ZBED6: variants seen among roughly 807,000 people sequenced by gnomAD.
ZBED6 encodes the protein zinc finger BED domain-containing protein 6.
ZBED6 carries 40 observed loss-of-function variants against 58.4 expected under a neutral mutation model. The observed-to-expected ratio is 0.68, with a 90% CI of 0.53 to 0.89. The LOEUF (loss-of-function observed/expected upper bound fraction) is 0.89. Among genes scored for constraint, ZBED6 ranks in the 40% least tolerant of loss-of-function variants. The pLI, the probability that ZBED6 is intolerant of heterozygous loss-of-function variation, is 0.00. For synonymous variants in ZBED6, 439 were observed against 350.6 expected (o/e 1.25, Z -2.82); for missense variants, 1,057 against 1,003.9 (o/e 1.05, Z -0.71).
intron 9 of ZBED6, 26 bp from the exon 10 acceptor site, chr1:203,837,940 T>C (rs1225921878): frequency 6.3e-7 from 1 of 1,596,898 alleles, no homozygotes; most frequent in Admixed American, 1.8e-5. Context: ...ACTTGAAATC[T>C]TAAACTAAGT....
At chr1:203,851,394 A>G (rs1254328402) in intron 16 of ZBED6, among the ~76,000 whole-genome samples, 1 of 152,146 alleles carries the variant, frequency 6.6e-6, no homozygotes, top group Non-Finnish European at 1.5e-5. Context: ...CAGTGGCACA[A>G]TCTCTGCTCA....
At chr1:203,841,092 C>CA (rs1333517236) in intron 11 of ZBED6, among the ~76,000 whole-genome samples, 2 of 150,952 alleles carry the variant, frequency 1.3e-5, no homozygotes, top group South Asian at 4.2e-4. Flanking sequence ...AGAAAGATAA[C>CA]AGAGAGCACA....
At chr1:203,852,233 G>A (rs774268525) in exon 17 of ZBED6, 12 of 1,613,316 alleles carry the variant, frequency 7.4e-6, no homozygotes, top group South Asian at 4.4e-5. Flanking sequence ...AAAACTCGCC[G>A]ACTCAGCTCT....
At chr1:203,844,316 C>G (rs1376406058) in intron 11 of ZBED6, among the ~76,000 whole-genome samples, 1 of 152,048 alleles carries the variant, frequency 6.6e-6, no homozygotes, top group East Asian at 1.9e-4. Context: ...CATGTGCAAT[C>G]ACGCCTGGCT....
chr1:203,810,049 G>A (rs76464772), intron 1 of ZBED6, among the ~76,000 whole-genome samples: 15,782 of 152,024 alleles, frequency 0.1, 1,108 homozygotes, highest in Non-Finnish European at 0.15. Flanking sequence ...TTATGGATGT[G>A]CATCTTTGTT....
At chr1:203,833,111 T>C (rs1682942663) in intron 8 of ZBED6, among the ~76,000 whole-genome samples, 1 of 152,156 alleles carries the variant, frequency 6.6e-6, no homozygotes, top group Non-Finnish European at 1.5e-5. Flanking sequence ...GGCTCACGCC[T>C]GTAATCCCGG....
At chr1:203,848,516 A>G in intron 13 of ZBED6, 109 bp downstream of exon 13, 3 of 751,028 alleles carry the variant, frequency 4.0e-6, no homozygotes, top group Non-Finnish European at 6.5e-6. Flanking sequence ...TATTAGGTAA[A>G]CAGTCTTTCT....
chr1:203,832,086 T>G (rs944788188), intron 8 of ZBED6, among the ~76,000 whole-genome samples: 2 of 152,216 alleles, frequency 1.3e-5, no homozygotes, highest in Admixed American at 6.5e-5. Flanking sequence ...GAGACAGAGT[T>G]GCACTCCTGT....
intron 3 of ZBED6, among the ~76,000 whole-genome samples, chr1:203,825,071 C>A (rs1230783848): frequency 3.3e-5 from 3 of 90,112 alleles, no homozygotes; most frequent in African/African-American, 4.4e-5. Context: ...AGCGAGACTC[C>A]GTCTCAAAAA....
At chr1:203,833,738 T>C (rs1683266378) in intron 8 of ZBED6, 53 bp from the exon 9 acceptor site, 6 of 1,539,556 alleles carry the variant, frequency 3.9e-6, no homozygotes, top group Non-Finnish European at 5.3e-6. Flanking sequence ...TAGTAGTTAC[T>C]GAATACAGAA....
At chr1:203,799,758 T>C in exon 1 of ZBED6, 1 of 873,428 alleles carries the variant, frequency 1.1e-6, no homozygotes, top group South Asian at 1.4e-5. Flanking sequence ...GGATAGTTTA[T>C]CTCTGAAACT....
chr1:203,819,089 T>TATACAC lies in ZBED6; in HGVS notation c.*2873+401_*2873+402insTACACA, dbSNP rs1336523998. ...TCTCAAAAAAAAAAATATATATATA[T>TATACAC]ACACACACACACACACACACACACA... On this transcript the variant is annotated intron_variant, in intron 3 of 16. Coordinates refer to ENST00000550078, the Ensembl canonical transcript of ZBED6. 4.3e-4 allele frequency among the ~76,000 whole-genome samples: 60 copies of TATACAC among 141,006 alleles called. 2 individuals are homozygous for TATACAC. The South Asian group carries it at 4.5e-3, about 11-fold the overall frequency. The allele number at this position is 141,006 out of a possible 152,430, so 92.5% of individuals were successfully genotyped here.
intron 2 of ZBED6, 120 bp from the exon 3 acceptor site, chr1:203,818,450 A>G: frequency 7.5e-7 from 1 of 1,327,348 alleles, no homozygotes; most frequent in South Asian, 1.3e-5. Context: ...ATTGTTTTTT[A>G]CCTTACCAGT....
chr1:203,851,408 C>T (rs1689225261), intron 16 of ZBED6, among the ~76,000 whole-genome samples: 2 of 152,150 alleles, frequency 1.3e-5, no homozygotes, highest in African/African-American at 4.8e-5. Context: ...CTGCTCACTG[C>T]AACCTCCACT....
chr1:203,822,823 C>T (rs1437738264), intron 3 of ZBED6, among the ~76,000 whole-genome samples: 1 of 152,168 alleles, frequency 6.6e-6, no homozygotes, highest in Non-Finnish European at 1.5e-5. Context: ...CTCCAATACC[C>T]TGCTCTGGGC....
At chr1:203,822,414 A>G (rs1346470311) in intron 3 of ZBED6, among the ~76,000 whole-genome samples, 2 of 151,746 alleles carry the variant, frequency 1.3e-5, no homozygotes, top group East Asian at 1.9e-4. Context: ...TTGGACCCCA[A>G]CATCCTACTT....
At chr1:203,822,373 CT>C (rs1332437854) in intron 3 of ZBED6, among the ~76,000 whole-genome samples, 1 of 151,968 alleles carries the variant, frequency 6.6e-6, no homozygotes, top group Non-Finnish European at 1.5e-5. Context: ...TCCCTGCTTG[CT>C]TTACCATAGG....
At chr1:203,815,684 C>G (rs951788243) in intron 1 of ZBED6, among the ~76,000 whole-genome samples, 1 of 152,110 alleles carries the variant, frequency 6.6e-6, no homozygotes, top group African/African-American at 2.4e-5. Flanking sequence ...GACTCTTAAT[C>G]CAGGTTGTTA....
intron 8 of ZBED6, 149 bp from the exon 9 acceptor site, chr1:203,833,642 A>G (rs1364739375): frequency 3.6e-6 from 1 of 275,438 alleles, no homozygotes; most frequent in Non-Finnish European, 6.0e-6. Context: ...TTTTTGATAT[A>G]ATGGCCTTCC....
Sources: allele counts gnomAD v4.1 joint callset (sites outside exome capture counted in the v4.1 genomes callset), GRCh38; gene constraint gnomAD v4.1.1; transcripts MANE v1.5; gene names NCBI Gene and HGNC (gene_info 2026-07-23, HGNC 2026-07-21).